The following CHM variants were observed in gnomAD, a reference collection of about 807,000 sequenced individuals.
CHM encodes the protein CHM Rab escort protein, also known as rab proteins geranylgeranyltransferase component A 1.
CHM carries 10 observed loss-of-function variants against 49.0 expected under a neutral mutation model. The observed-to-expected ratio is 0.20, with a 90% CI of 0.13 to 0.35. The LOEUF is 0.35. Among genes scored for constraint, CHM ranks in the 10% least tolerant of loss-of-function variants. CHM has a pLI of 1.00. For missense variants in CHM, 455 were observed against 478.4 expected (o/e 0.95, Z 0.46); for synonymous variants, 184 against 167.5 (o/e 1.10, Z -0.76).
intron 8 of CHM, among the ~76,000 whole-genome samples, chrX:85,949,978 AATAT>A (rs200318878): frequency 0.089 from 3,809 of 42,735 alleles, 321 homozygotes; most frequent in African/African-American, 0.2. Context: ...ACTGAAATTA[AATAT>A]ATATATATAT....
chrX:86,013,762 T>C (rs1933179942), intron 2 of CHM, among the ~76,000 whole-genome samples: 2 of 76,154 alleles, frequency 2.6e-5, no homozygotes, highest in East Asian at 3.1e-4. Context: ...AAAAACAATG[T>C]AATAAATTGA....
chrX:85,969,195 A>G (rs1930745870), intron 4 of CHM: 3 of 740,833 alleles, frequency 4.0e-6, no homozygotes, highest in Non-Finnish European at 4.8e-6. Context: ...ATTATACCAG[A>G]AAAAGGGAAA....
chrX:85,949,126 T>C (rs776880842), intron 8 of CHM, among the ~76,000 whole-genome samples: 1 of 111,682 alleles, frequency 9.0e-6, no homozygotes, highest in South Asian at 3.7e-4. Flanking sequence ...AATAAAAATA[T>C]ATGTAAGGCT....
rs762638374 is a variant in CHM, at chrX:85,963,837, T to C, written c.530A>G (p.Glu177Gly). The C allele has an allele frequency of 8.3e-7, 1 of 1,209,877 alleles. No homozygotes were observed. Among genetic ancestry groups the C allele is most frequent in the East Asian group, 3.0e-5 (1 of 33,752 alleles). The change falls in exon 5 of 15, where the codon GAA becomes GGA. Residue 177 changes from glutamate to glycine, a missense_variant. Glu to Gly is a moderately conservative substitution (Grantham distance 98). Transcript: ENST00000357749. ...LEVNGAEVTGEKENHCDDKTC... is the reference protein window; with the variant it reads ...LEVNGAEVTGGKENHCDDKTC... ...TTTATCATCACAATGGTTTTCTTTTTCCCCTGTCACTTCAGCACCATTTAC... is the reference window on the plus strand; with the variant it reads ...TTTATCATCACAATGGTTTTCTTTTCCCCCTGTCACTTCAGCACCATTTAC...
Position 86,011,320 on chromosome X carries a change from A to G in CHM, c.116+16171T>C, listed in dbSNP as rs780954176. Among the ~76,000 whole-genome samples, 7 of 111,882 alleles carry G rather than the reference A, an allele frequency of 6.3e-5. No homozygotes were observed. In the Admixed American group the frequency reaches 6.7e-4, roughly 11 times the overall value. On this transcript the variant is annotated intron_variant, in intron 2 of 14. Coordinates refer to ENST00000357749, the MANE Select transcript of CHM (RefSeq NM_000390.4). Reference sequence around the variant, plus strand: ...AGCCATCACTAGAAAGCAGTATTTTAGATGGGTCCTGAAGGAGGAGAAAGA... The same window carrying G: ...AGCCATCACTAGAAAGCAGTATTTTGGATGGGTCCTGAAGGAGGAGAAAGA...
intron 2 of CHM, among the ~76,000 whole-genome samples, chrX:85,996,063 C>G (rs1932423662): frequency 8.9e-6 from 1 of 111,797 alleles, no homozygotes; most frequent in Admixed American, 9.5e-5. Flanking sequence ...AAATACTTAT[C>G]TCTGAGTTAC....
chrX:85,991,663 C>A (rs757727837), intron 2 of CHM, among the ~76,000 whole-genome samples: 2 of 111,262 alleles, frequency 1.8e-5, no homozygotes, highest in African/African-American at 3.3e-5. Flanking sequence ...GGCTTCTCAG[C>A]ACGATTAAAT....
At chrX:85,905,439 C>G (rs1480123864) in intron 9 of CHM, among the ~76,000 whole-genome samples, 2 of 111,279 alleles carry the variant, frequency 1.8e-5, no homozygotes, top group Non-Finnish European at 3.8e-5. Flanking sequence ...ATGTTTTGCC[C>G]TAAAGGACAA....
chrX:86,025,115 G>T, intron 2 of CHM, among the ~76,000 whole-genome samples: 1 of 111,433 alleles, frequency 9.0e-6, no homozygotes, highest in East Asian at 2.8e-4. Flanking sequence ...AGATGTGGGA[G>T]AATCAATACC....
At chrX:85,930,503 T>C (rs755702029) in intron 8 of CHM, among the ~76,000 whole-genome samples, 15 of 112,437 alleles carry the variant, frequency 1.3e-4, no homozygotes, top group Non-Finnish European at 2.4e-4. Context: ...AGGCTGATTT[T>C]ATTGAAATGT....
chrX:85,897,092 A>ATATC, intron 11 of CHM, among the ~76,000 whole-genome samples: 1 of 81,387 alleles, frequency 1.2e-5, no homozygotes, highest in African/African-American at 5.3e-5. Flanking sequence ...CATAATATAT[A>ATATC]ATATATATAA....
Position 85,906,358 on chromosome X carries a change from G to A in CHM, c.1244+4903C>T, listed in dbSNP as rs1331936703. Among the ~76,000 whole-genome samples the A allele has an allele frequency of 2.7e-5, 3 of 111,917 alleles. No individual in the cohort carries two copies. The East Asian group carries it at 8.4e-4, about 31-fold the overall frequency. ...GTCTCCCCCACCACTGGATTCCAAG[G>A]TCTCCAATTATATTAATAGTTATTG... On this transcript the variant is annotated intron_variant, in intron 9 of 14. Coordinates refer to ENST00000357749, the MANE Select transcript of CHM (RefSeq NM_000390.4).
intron 14 of CHM, among the ~76,000 whole-genome samples, chrX:85,871,628 CA>C (rs1182930759): frequency 9.0e-6 from 1 of 110,582 alleles, no homozygotes; most frequent in African/African-American, 3.3e-5. Context: ...TAATTAGTAC[CA>C]AAATTAGCAC....
rs746882969 is a variant in CHM at position 85,925,057 on chromosome X, C to T, written c.1167-13719G>A. Among the ~76,000 whole-genome samples, 5 of 111,528 alleles carry T rather than the reference C, an allele frequency of 4.5e-5. No individual in the cohort carries two copies. In the South Asian group the frequency reaches 1.9e-3, roughly 42 times the overall value. Reference sequence around the variant, plus strand: ...CACAGTAAAACTATGTATTGGATGACAAAAACAGATCTGTATTAGTAATTG... The same window carrying T: ...CACAGTAAAACTATGTATTGGATGATAAAAACAGATCTGTATTAGTAATTG... On this transcript the variant is annotated intron_variant, in intron 8 of 14. Transcript: ENST00000357749.
chrX:85,971,871 C>T (rs1319527582), intron 4 of CHM, among the ~76,000 whole-genome samples: 1 of 111,163 alleles, frequency 9.0e-6, no homozygotes, highest in Non-Finnish European at 1.9e-5. Context: ...CAAGGCCCCA[C>T]CAGAGCAGCT....
intron 12 of CHM, among the ~76,000 whole-genome samples, chrX:85,880,955 T>C (rs754657563): frequency 6.2e-5 from 7 of 112,171 alleles, no homozygotes; most frequent in African/African-American, 2.3e-4. Flanking sequence ...AAATCAGAGA[T>C]TGCTGATTGT....
intron 3 of CHM, among the ~76,000 whole-genome samples, chrX:85,980,122 A>AT (rs1302860553): frequency 2.7e-5 from 3 of 111,069 alleles, no homozygotes; most frequent in Admixed American, 9.6e-5. Context: ...TACCAAATGT[A>AT]TTTTTTTTAA....
In CHM at chrX:85,915,154, C is replaced by G. The variant is rs180911679; in HGVS notation, c.1167-3816G>C. Among the ~76,000 whole-genome samples, 316 of 111,936 alleles carry G rather than the reference C, an allele frequency of 2.8e-3. 6 individuals carry two copies. In the Admixed American group the frequency reaches 0.028, roughly 10 times the overall value. On this transcript the variant is annotated intron_variant, in intron 8 of 14. Coordinates refer to ENST00000357749, the MANE Select transcript of CHM (RefSeq NM_000390.4). ...TGGAAACCCTGGCATCATCCAGATA[C>G]CAAAACCTGGCAGAGATATAACAGA...
intron 2 of CHM, among the ~76,000 whole-genome samples, chrX:85,996,745 A>T (rs756242937): frequency 8.9e-6 from 1 of 111,755 alleles, no homozygotes; most frequent in South Asian, 3.8e-4. Flanking sequence ...CTCACCTAAG[A>T]CAAATGAGTA....
Sources: allele counts gnomAD v4.1 joint callset (sites outside exome capture counted in the v4.1 genomes callset), GRCh38; gene constraint gnomAD v4.1.1; transcripts MANE v1.5; gene names NCBI Gene and HGNC (gene_info 2026-07-23, HGNC 2026-07-21).